Variants in CHRNB3 observed in about 807,000 individuals in gnomAD.
CHRNB3 encodes cholinergic receptor nicotinic beta 3 subunit.
A neutral mutation model predicts 40.6 loss-of-function variants in CHRNB3; 37 were observed. That is an observed-to-expected ratio of 0.91 (90% confidence interval 0.70 to 1.20). CHRNB3 has a LOEUF of 1.20. Ranked by LOEUF, CHRNB3 falls within the 50% of genes most tolerant of loss-of-function variation. CHRNB3 has a pLI of 0.00. For synonymous variants in CHRNB3, 207 were observed against 207.1 expected (o/e 1.00, Z 0.00); for missense variants, 505 against 551.2 (o/e 0.92, Z 0.84).
chr8:42,731,745 C>A lies in CHRNB3; in HGVS notation c.438C>A (p.Pro146=), dbSNP rs200208297. 6.2e-7 allele frequency: 1 copy of A among 1,613,918 alleles called. No homozygotes were observed. The highest frequency in any genetic ancestry group is 1.3e-5 in the African/African-American group (1 of 74,840). The change falls in exon 5 of 6, where the codon CCC becomes CCA. Residue 146 remains proline (P), a synonymous_variant. Transcript: ENST00000289957. ...KSNGTVVWTP[P]ASYKSSCTMD... ...ACGGAACTGTTGTCTGGACCCCTCC[C>A]GCCAGCTACAAAAGCTCCTGCACCA...
At chr8:42,713,812 C>T (rs1007906770) in intron 3 of CHRNB3, among the ~76,000 whole-genome samples, 6 of 152,086 alleles carry the variant, frequency 3.9e-5, no homozygotes, top group African/African-American at 1.4e-4. Flanking sequence ...CATCATTACC[C>T]CTGTTTTATA....
intron 5 of CHRNB3, among the ~76,000 whole-genome samples, chr8:42,735,509 G>T (rs1816507842): frequency 6.6e-6 from 1 of 152,088 alleles, no homozygotes; most frequent in South Asian, 2.1e-4. Context: ...CTGCAGCCTG[G>T]GTGGCAGAGT....
chr8:42,703,435 A>AAAATATATATATATATATATATAT, intron 1 of CHRNB3, among the ~76,000 whole-genome samples: 4 of 47,404 alleles, frequency 8.4e-5, no homozygotes, highest in Non-Finnish European at 1.4e-4. Context: ...AAAAAAAAAA[A>AAAATATATATATATATATATATAT]ATATTTATAT....
At chr8:42,717,313 G>A (rs934684650) in intron 3 of CHRNB3, among the ~76,000 whole-genome samples, 1 of 125,140 alleles carries the variant, frequency 8.0e-6, no homozygotes, top group Non-Finnish European at 1.6e-5. Context: ...GGCGGAGCTT[G>A]CAGTGAGCCG....
chr8:42,716,836 T>C (rs147411976), intron 3 of CHRNB3, among the ~76,000 whole-genome samples: 1 of 152,028 alleles, frequency 6.6e-6, no homozygotes, highest in Admixed American at 6.6e-5. Flanking sequence ...TGGGCGCTGT[T>C]GCATATAAAA....
At chr8:42,708,120 G>A (rs552861861) in intron 1 of CHRNB3, among the ~76,000 whole-genome samples, 28 of 152,248 alleles carry the variant, frequency 1.8e-4, no homozygotes, top group African/African-American at 6.5e-4. Flanking sequence ...TTGGGACCTG[G>A]GTGTTGACCC....
chr8:42,709,863 C>T (rs1199787713), intron 2 of CHRNB3, among the ~76,000 whole-genome samples: 1 of 152,132 alleles, frequency 6.6e-6, no homozygotes, highest in Non-Finnish European at 1.5e-5. Context: ...AACTCCTGAC[C>T]TCAGGTGATC....
At position 42,736,803 on chromosome 8, in the gene CHRNB3, T is replaced by C; in HGVS notation, c.*185T>C. Reference sequence around the variant, plus strand: ...ATTTGTGGTTGCCATGAGAGTGAGCTGCTTTTAAAGAAAGTGGAGCCTCCT... The same window carrying C: ...ATTTGTGGTTGCCATGAGAGTGAGCCGCTTTTAAAGAAAGTGGAGCCTCCT... On this transcript the variant is annotated 3_prime_UTR_variant, in exon 6 of 6. Transcript: ENST00000289957. 1 of 721,648 alleles carries C rather than the reference T, an allele frequency of 1.4e-6. No individual in the cohort carries two copies. The highest frequency in any genetic ancestry group is 2.3e-6 in the Non-Finnish European group (1 of 441,892). 44.7% of individuals were successfully genotyped at this position (721,648 alleles called of 1,614,324 possible). A position where few individuals can be genotyped will look rare whatever the true frequency, so the allele number is the denominator to read the frequency against.
chr8:42,713,541 T>A (rs1208442247), intron 3 of CHRNB3, among the ~76,000 whole-genome samples: 3 of 152,310 alleles, frequency 2.0e-5, no homozygotes, highest in Admixed American at 6.5e-5. Context: ...TTTTTGGGTA[T>A]AAATATGTAA....
At chr8:42,724,700 C>T (rs569430385) in intron 3 of CHRNB3, among the ~76,000 whole-genome samples, 2 of 151,964 alleles carry the variant, frequency 1.3e-5, no homozygotes, top group African/African-American at 4.8e-5. Context: ...TGGAATTGGC[C>T]GGGCGCGGTG....
intron 3 of CHRNB3, among the ~76,000 whole-genome samples, chr8:42,713,579 T>TA (rs1414056779): frequency 2.6e-5 from 4 of 152,214 alleles, no homozygotes; most frequent in Admixed American, 1.3e-4. Context: ...GTTACACAGA[T>TA]ACATTTGTAG....
At chr8:42,721,572 T>C (rs1378224803) in intron 3 of CHRNB3, among the ~76,000 whole-genome samples, 5 of 151,524 alleles carry the variant, frequency 3.3e-5, no homozygotes, top group African/African-American at 9.7e-5. Context: ...AAAAATACAA[T>C]AATTAGCTGG....
intron 3 of CHRNB3, among the ~76,000 whole-genome samples, chr8:42,722,160 G>C (rs559986599): frequency 2.6e-5 from 4 of 152,134 alleles, no homozygotes; most frequent in African/African-American, 7.2e-5. Context: ...GATCACTTGA[G>C]GTCAGGAATT....
chr8:42,717,090 C>CCTGTTGTGGAAAGG (rs1554590483), intron 3 of CHRNB3, among the ~76,000 whole-genome samples: 2 of 150,902 alleles, frequency 1.3e-5, no homozygotes, highest in African/African-American at 4.9e-5. Context: ...AAGAAGCAGA[C>CCTGTTGTGGAAAGG]TGGCCGGGCG....
At chr8:42,718,251 G>T (rs1816153617) in intron 3 of CHRNB3, among the ~76,000 whole-genome samples, 1 of 152,078 alleles carries the variant, frequency 6.6e-6, no homozygotes, top group Non-Finnish European at 1.5e-5. Flanking sequence ...CAAGAATTTG[G>T]CTTTAAGAAT....
intron 4 of CHRNB3, 89 bp downstream of exon 4, chr8:42,730,792 T>A: frequency 1.5e-6 from 1 of 675,810 alleles, no homozygotes; most frequent in Non-Finnish European, 2.3e-6. Context: ...CTCACGCCTG[T>A]AATCCCAGCA....
At chr8:42,715,131 G>A (rs1360606534) in intron 3 of CHRNB3, 2 of 152,094 alleles carry the variant, frequency 1.3e-5, no homozygotes, top group Non-Finnish European at 2.9e-5. Context: ...ACCACCGCCT[G>A]AAAGAAGAGG....
chr8:42,714,887 G>A (rs1816074666), intron 3 of CHRNB3: 2 of 152,354 alleles, frequency 1.3e-5, no homozygotes, highest in East Asian at 3.9e-4. Context: ...TGGAGGGAGA[G>A]TTTGGAGAGT....
At chr8:42,716,047 C>T (rs192824720) in intron 3 of CHRNB3, among the ~76,000 whole-genome samples, 1 of 144,330 alleles carries the variant, frequency 6.9e-6, no homozygotes, top group African/African-American at 2.6e-5. Flanking sequence ...GGCATGATCT[C>T]GGCTCAGTGC....
Sources: allele counts gnomAD v4.1 joint callset (sites outside exome capture counted in the v4.1 genomes callset), GRCh38; gene constraint gnomAD v4.1.1; transcripts MANE v1.5; gene names NCBI Gene and HGNC (gene_info 2026-07-23, HGNC 2026-07-21).